Variants in RGS12 observed in about 807,000 individuals in gnomAD.
The protein encoded by RGS12 is regulator of G protein signaling 12.
A neutral mutation model predicts 120.1 loss-of-function variants in RGS12; 66 were observed. The observed-to-expected ratio is 0.55, with a 90% CI of 0.45 to 0.67. RGS12 has a LOEUF of 0.67. Ranked by LOEUF, RGS12 falls within the 30% of genes least tolerant of loss-of-function variation. The pLI is 0.00. For missense variants in RGS12, 1,859 were observed against 1,957.7 expected (o/e 0.95, Z 0.95); for synonymous variants, 827 against 804.7 (o/e 1.03, Z -0.47).
At chr4:3,424,903 C>A (rs1382154405) in intron 13 of RGS12, among the ~76,000 whole-genome samples, 2 of 152,236 alleles carry the variant, frequency 1.3e-5, no homozygotes, top group Admixed American at 1.3e-4. Flanking sequence ...TCCCGCCTGG[C>A]ATTGGACAGC....
intron 3 of RGS12, among the ~76,000 whole-genome samples, chr4:3,371,957 G>A (rs1486949686): frequency 1.3e-5 from 2 of 152,144 alleles, no homozygotes; most frequent in Non-Finnish European, 2.9e-5. Flanking sequence ...GGGAGCTGCC[G>A]GGATTTCCAC....
intron 3 of RGS12, among the ~76,000 whole-genome samples, chr4:3,353,402 TG>T (rs1160887847): frequency 9.8e-5 from 15 of 152,336 alleles, no homozygotes; most frequent in African/African-American, 2.9e-4. Context: ...TGAATGGCGC[TG>T]CTTCTTAGTT....
intron 3 of RGS12, among the ~76,000 whole-genome samples, chr4:3,368,574 G>T (rs1178310803): frequency 7.5e-6 from 1 of 133,360 alleles, no homozygotes; most frequent in African/African-American, 2.8e-5. Flanking sequence ...TGTGTGTGTG[G>T]GGTGCCTGTG....
chr4:3,408,893 G>A (rs1230875176), intron 4 of RGS12, among the ~76,000 whole-genome samples: 2 of 152,204 alleles, frequency 1.3e-5, no homozygotes, highest in Non-Finnish European at 1.5e-5. Flanking sequence ...TCAGCAGAAA[G>A]CTACAAAATG....
In RGS12 at chr4:3,433,642, G is replaced by A. The variant is rs1036356491; in HGVS notation, c.4114+2687G>A. ...CACCCCATCCTAGCCCCAGCACCAC[G>A]TGCCATGCCACCCTGTTCCAGCCCC... is the stretch of plus-strand genomic sequence containing the variant. On this transcript the variant is annotated intron_variant, in intron 17 of 17. Coordinates refer to ENST00000336727, the MANE Select transcript of RGS12 (RefSeq NM_001394154.1). This position sits in a 1 kb window ranked among gnomAD's most constrained non-coding sequence, Gnocchi z 4.4. Among the ~76,000 whole-genome samples, 3 of 150,166 alleles carry A rather than the reference G, an allele frequency of 2.0e-5. No homozygotes were observed. Among genetic ancestry groups the A allele is most frequent in the African/African-American group, 4.9e-5 (2 of 40,494 alleles).
intron 4 of RGS12, among the ~76,000 whole-genome samples, chr4:3,410,904 C>T (rs1245353917): frequency 6.6e-6 from 1 of 152,190 alleles, no homozygotes; most frequent in Non-Finnish European, 1.5e-5. Flanking sequence ...GGAGCCAGCC[C>T]GCCACCTGTG....
At chr4:3,290,282 G>T (rs549732783), upstream of RGS12, among the ~76,000 whole-genome samples, 2 of 152,292 alleles carry the variant, frequency 1.3e-5, no homozygotes, top group Admixed American at 6.5e-5. Flanking sequence ...CAGCTCAGGG[G>T]TATCAAGCAC....
Position 3,316,280 on chromosome 4 carries a change from C to G in RGS12, c.110C>G (p.Ser37Trp). 6.2e-7 allele frequency: 1 copy of G among 1,613,930 alleles called. No individual in the cohort carries two copies. Among genetic ancestry groups the G allele is most frequent in the Non-Finnish European group, 8.5e-7 (1 of 1,179,898 alleles). ...AGGGCCGGCTACGGATTCACGCTTT[C>G]GGGACAGGCACCCTGTGTGCTCAGC... Reference protein sequence around the residue: ...RGRAGYGFTLSGQAPCVLSCV... With the variant: ...RGRAGYGFTLWGQAPCVLSCV... Residue 37 changes from serine to tryptophan, a missense_variant, in exon 2 of 18, where the codon TCG becomes TGG. This residue lies in a region of RGS12 where 967 missense variants were observed against 994.2 expected (regional missense o/e 0.97). Coordinates refer to ENST00000336727, the MANE Select transcript of RGS12 (RefSeq NM_001394154.1).
At chr4:3,431,325 G>C in intron 17 of RGS12, 1 of 1,093,246 alleles carries the variant, frequency 9.1e-7, no homozygotes, top group Non-Finnish European at 1.1e-6. Flanking sequence ...CGTTTTTAGT[G>C]TTTCTGTCTC....
rs372490658 is a variant in RGS12 at position 3,355,794 on chromosome 4, CAAAAA to C, written c.1998+12759_1998+12763del. ...TGGGGGACAAAGTGAGACCTTGTCT[CAAAAA>C]AAAAAAAAAAAAAAAAAGGAAAAAA... On this transcript the variant is annotated intron_variant, in intron 3 of 17. Coordinates refer to ENST00000336727, the MANE Select transcript of RGS12 (RefSeq NM_001394154.1). Among the ~76,000 whole-genome samples the C allele has an allele frequency of 1.0e-3, 60 of 58,084 alleles. 2 individuals are homozygous for C. The highest frequency in any genetic ancestry group is 0.013 in the Middle Eastern group (1 of 78). 38.1% of individuals were successfully genotyped at this position (58,084 alleles called of 152,430 possible).
intron 17 of RGS12, among the ~76,000 whole-genome samples, chr4:3,435,832 C>A (rs936235548): frequency 3.9e-5 from 6 of 152,204 alleles, no homozygotes; most frequent in Non-Finnish European, 8.8e-5. Context: ...TGTGACCTGG[C>A]CTACCCCCAT....
At position 3,317,918 on chromosome 4, in the gene RGS12, G is replaced by A. The variant is rs1359287871; in HGVS notation, c.1748G>A (p.Arg583His). The change falls in exon 2 of 18, where the codon CGC becomes CAC. Residue 583 changes from arginine (R) to histidine (H), a missense_variant. Arg to His is a conservative substitution (Grantham distance 29). Around this residue, in one of 3 missense-constraint regions of RGS12, gnomAD observed 967 missense variants for 994.2 expected, o/e 0.97. Coordinates refer to ENST00000336727, the MANE Select transcript of RGS12 (RefSeq NM_001394154.1). ...CCTATGAGCAAGATCCCCGCAGACC[G>A]CTACAGGGTGGAGGGCAGCTTCGCG... ...PPPMSKIPAD[R>H]YRVEGSFAQP... The A allele has an allele frequency of 2.5e-6, 4 of 1,614,152 alleles. No individual in the cohort carries two copies. Among genetic ancestry groups the A allele is most frequent in the Non-Finnish European group, 2.5e-6 (3 of 1,180,028 alleles).
upstream of RGS12, among the ~76,000 whole-genome samples, chr4:3,291,707 G>T (rs1014337188): frequency 6.6e-6 from 1 of 152,092 alleles, no homozygotes; most frequent in African/African-American, 2.4e-5. Flanking sequence ...GCCATAGGTC[G>T]CAGCTCCTGT....
At chr4:3,358,340 A>G (rs929895568) in intron 3 of RGS12, among the ~76,000 whole-genome samples, 1 of 152,032 alleles carries the variant, frequency 6.6e-6, no homozygotes, top group African/African-American at 2.4e-5. Flanking sequence ...TTTTTGCCTA[A>G]TTGCTCTGGC....
At chr4:3,319,377 T>C (rs1435007870) in intron 2 of RGS12, among the ~76,000 whole-genome samples, 1 of 152,138 alleles carries the variant, frequency 6.6e-6, no homozygotes, top group Non-Finnish European at 1.5e-5. Context: ...TTTTGATGTA[T>C]GTAAGCATAG....
At chr4:3,388,764 G>C (rs541281585) in intron 4 of RGS12, among the ~76,000 whole-genome samples, 23 of 152,304 alleles carry the variant, frequency 1.5e-4, no homozygotes, top group Admixed American at 5.2e-4. Context: ...GGGTCGGGGT[G>C]GGGGGGTGGT....
upstream of RGS12, among the ~76,000 whole-genome samples, chr4:3,291,878 C>T (rs1723042333): frequency 6.6e-6 from 1 of 152,212 alleles, no homozygotes; most frequent in Admixed American, 6.5e-5. Context: ...AGCGGGAACC[C>T]TGCTGGACTC....
intron 3 of RGS12, among the ~76,000 whole-genome samples, chr4:3,360,413 C>T (rs986268012): frequency 6.6e-5 from 10 of 151,634 alleles, no homozygotes; most frequent in Admixed American, 4.6e-4. Flanking sequence ...CTTTGGGTTT[C>T]GTTTTTTGTT....
chr4:3,296,378 T>C (rs1237410489), intron 1 of RGS12, among the ~76,000 whole-genome samples: 1 of 151,664 alleles, frequency 6.6e-6, no homozygotes, highest in East Asian at 1.9e-4. Context: ...TTGGTAGAGA[T>C]GGGGTCTCAC....
Sources: gnomAD v4.1 joint callset for allele counts (sites outside exome capture counted in the v4.1 genomes callset) on GRCh38, gnomAD v4.1.1 for gene constraint, gnomAD v4.1.1 regional missense constraint, Gnocchi (gnomAD v3.1) non-coding constraint, MANE v1.5 for transcripts, NCBI Gene and HGNC (gene_info 2026-07-23, HGNC 2026-07-21) for gene names.